Variants in ERBB4 observed in about 807,000 individuals in gnomAD.
ERBB4 encodes erb-b2 receptor tyrosine kinase 4, also known as receptor tyrosine-protein kinase erbB-4.
A neutral mutation model predicts 158.0 loss-of-function variants in ERBB4; 42 were observed. The ratio of observed to expected loss-of-function variants is 0.27; its 90% CI spans 0.21 to 0.34. The LOEUF (loss-of-function observed/expected upper bound fraction) is 0.34, where lower values mean the gene tolerates loss of function less well. Ranked by LOEUF, ERBB4 falls within the 10% of genes least tolerant of loss-of-function variation. The pLI is 1.00. For missense variants in ERBB4, 1,333 were observed against 1,624.1 expected, an observed-to-expected ratio of 0.82 and a Z score of 3.08; for synonymous variants, 583 against 558.7, an observed-to-expected ratio of 1.04 and a Z score of -0.61.
chr2:212,469,909 C>T (rs1411224438), intron 1 of ERBB4, among the ~76,000 whole-genome samples: 1 of 152,106 alleles, frequency 6.6e-6, no homozygotes, highest in Non-Finnish European at 1.5e-5. Context: ...GATGGAACAT[C>T]AGTTATCTTT....
At chr2:211,678,655 A>G (rs575118148) in intron 13 of ERBB4, among the ~76,000 whole-genome samples, 4 of 152,216 alleles carry the variant, frequency 2.6e-5, no homozygotes, top group African/African-American at 9.6e-5. Flanking sequence ...GCATTTTACC[A>G]TTTTCTTATA....
chr2:212,306,095 A>G (rs2086799160), intron 1 of ERBB4, among the ~76,000 whole-genome samples: 1 of 151,480 alleles, frequency 6.6e-6, no homozygotes. Context: ...AAACATTCCC[A>G]GTTGAATGCT....
In ERBB4 at chr2:212,091,388, T is replaced by C. The variant is rs1186875297; in HGVS notation, c.234+33364A>G. On this transcript the variant is annotated intron_variant, in intron 2 of 27. Transcript: ENST00000342788. ...GCAGGTAAACTAAAACATCAGGTGATTGGGATATGACTTACATCCCTACTT... is the reference window on the plus strand; with the variant it reads ...GCAGGTAAACTAAAACATCAGGTGACTGGGATATGACTTACATCCCTACTT... Among the ~76,000 whole-genome samples, 6 of 152,276 alleles carry C rather than the reference T, an allele frequency of 3.9e-5. No homozygotes were observed. The South Asian group carries it at 1.2e-3, about 32-fold the overall frequency.
At chr2:211,936,933 T>G (rs2080340641) in intron 3 of ERBB4, among the ~76,000 whole-genome samples, 1 of 152,144 alleles carries the variant, frequency 6.6e-6, no homozygotes, top group Non-Finnish European at 1.5e-5. Context: ...TACAAAACAT[T>G]GACCATTTTT....
intron 1 of ERBB4, among the ~76,000 whole-genome samples, chr2:212,179,991 G>A (rs1367295005): frequency 6.6e-6 from 1 of 151,488 alleles, no homozygotes; most frequent in Non-Finnish European, 1.5e-5. Flanking sequence ...TGGCCTATTG[G>A]GGTACAATTA....
intron 4 of ERBB4, among the ~76,000 whole-genome samples, chr2:211,782,206 A>AT (rs1045308919): frequency 1.6e-4 from 24 of 151,486 alleles, no homozygotes; most frequent in South Asian, 6.3e-4. Context: ...TTTCAGAACC[A>AT]TTTTTTTTGC....
At chr2:212,253,509 G>T (rs1471976700) in intron 1 of ERBB4, among the ~76,000 whole-genome samples, 1 of 151,806 alleles carries the variant, frequency 6.6e-6, no homozygotes, top group African/African-American at 2.4e-5. Flanking sequence ...CATGTTCATA[G>T]GAATCACTTA....
intron 1 of ERBB4, among the ~76,000 whole-genome samples, chr2:212,239,059 A>T (rs913095415): frequency 2.6e-5 from 4 of 152,152 alleles, no homozygotes; most frequent in Non-Finnish European, 5.9e-5. Context: ...TTTCTTTTTT[A>T]AAATTTTTTA....
intron 5 of ERBB4, among the ~76,000 whole-genome samples, chr2:211,746,584 T>A (rs1348088232): frequency 6.6e-6 from 1 of 152,116 alleles, no homozygotes; most frequent in East Asian, 1.9e-4. Flanking sequence ...ATCCTAGCAC[T>A]TTGGGAGGCC....
At chr2:212,233,963 TTTATTATTATTATTA>T (rs60130196) in intron 1 of ERBB4, among the ~76,000 whole-genome samples, 15 of 143,814 alleles carry the variant, frequency 1.0e-4, no homozygotes, top group South Asian at 4.4e-4. Flanking sequence ...CTTTGCATTA[TTTATTATTATTATTA>T]TTATTATTAT....
chr2:212,391,469 T>G (rs1022082364), intron 1 of ERBB4, among the ~76,000 whole-genome samples: 1 of 150,746 alleles, frequency 6.6e-6, no homozygotes, highest in African/African-American at 2.4e-5. Context: ...AAGTAAAACC[T>G]TATCAGTTCC....
At chr2:212,443,647 G>A (rs970681445) in intron 1 of ERBB4, among the ~76,000 whole-genome samples, 2 of 152,194 alleles carry the variant, frequency 1.3e-5, no homozygotes, top group Non-Finnish European at 2.9e-5. Flanking sequence ...TCTGCAACAG[G>A]TCCAGGCTGC....
chr2:212,045,918 C>A (rs545235787), intron 2 of ERBB4, among the ~76,000 whole-genome samples: 1 of 152,138 alleles, frequency 6.6e-6, no homozygotes, highest in Non-Finnish European at 1.5e-5. Context: ...TCTCTAAGCA[C>A]AAGGACAGAG....
intron 4 of ERBB4, among the ~76,000 whole-genome samples, chr2:211,759,770 T>A (rs1291106877): frequency 6.6e-6 from 1 of 150,730 alleles, no homozygotes; most frequent in Non-Finnish European, 1.5e-5. Context: ...AGAAAAAAAT[T>A]CATAACCTTG....
intron 2 of ERBB4, among the ~76,000 whole-genome samples, chr2:212,007,933 G>T (rs1015597790): frequency 6.6e-5 from 10 of 151,850 alleles, no homozygotes; most frequent in Non-Finnish European, 1.3e-4. Context: ...TCACCATATG[G>T]TCATAACCAG....
chr2:211,456,885 T>C (rs2064396156), intron 20 of ERBB4, among the ~76,000 whole-genome samples: 2 of 152,182 alleles, frequency 1.3e-5, no homozygotes, highest in South Asian at 4.1e-4. Flanking sequence ...TGCAGCCCCC[T>C]TCACCTTCTG....
intron 1 of ERBB4, among the ~76,000 whole-genome samples, chr2:212,350,931 A>T (rs978188035): frequency 9.2e-5 from 14 of 152,142 alleles, no homozygotes; most frequent in African/African-American, 3.4e-4. Context: ...GCAAGGTGCA[A>T]ATGGAAAATG....
intron 4 of ERBB4, among the ~76,000 whole-genome samples, chr2:211,772,871 AC>A: frequency 1.1e-5 from 1 of 87,890 alleles, no homozygotes; most frequent in African/African-American, 4.1e-5. Flanking sequence ...ATATATATAC[AC>A]ATATATATAT....
At chr2:212,227,437 T>C (rs1574474699) in intron 1 of ERBB4, among the ~76,000 whole-genome samples, 1 of 152,150 alleles carries the variant, frequency 6.6e-6, no homozygotes, top group South Asian at 2.1e-4. Context: ...TCTATATTCA[T>C]GAGGTGTTAA....
Sources: gnomAD v4.1 joint callset for allele counts (sites outside exome capture counted in the v4.1 genomes callset) on GRCh38, gnomAD v4.1.1 for gene constraint, MANE v1.5 for transcripts, NCBI Gene and HGNC (gene_info 2026-07-23, HGNC 2026-07-21) for gene names.